Variants in EFCAB8 observed in about 807,000 individuals in gnomAD.
The protein encoded by EFCAB8 is EF-hand calcium binding domain 8.
In EFCAB8, 100 loss-of-function variants were observed where a neutral mutation model predicts 116.3. The observed-to-expected ratio is 0.86, with a 90% CI of 0.73 to 1.02. The LOEUF is 1.02. Ranked by LOEUF, EFCAB8 falls within the 50% of genes least tolerant of loss-of-function variation. The pLI, the probability that EFCAB8 is intolerant of heterozygous loss-of-function variation, is 0.00. For synonymous variants in EFCAB8, 558 were observed against 567.9 expected (o/e 0.98, Z 0.25); for missense variants, 1,320 against 1,416.9 (o/e 0.93, Z 1.10).
At chr20:32,887,064 C>T (rs1985668695) in intron 6 of EFCAB8, among the ~76,000 whole-genome samples, 1 of 152,102 alleles carries the variant, frequency 6.6e-6, no homozygotes, top group Non-Finnish European at 1.5e-5. Context: ...TCTTCACCGC[C>T]AGAACCACCT....
intron 6 of EFCAB8, among the ~76,000 whole-genome samples, 183 bp from the exon 7 acceptor site, chr20:32,889,118 A>G (rs779006554): frequency 6.6e-5 from 10 of 152,076 alleles, no homozygotes; most frequent in Non-Finnish European, 1.2e-4. Flanking sequence ...GAATGTGGAA[A>G]CTGAGACCCA....
chr20:32,897,808 GGTGACAGT>G (rs1433178081), intron 10 of EFCAB8, among the ~76,000 whole-genome samples: 4 of 152,102 alleles, frequency 2.6e-5, no homozygotes, highest in African/African-American at 9.7e-5. Flanking sequence ...ACAGATGCTT[GGTGACAGT>G]GTGTGTAAAA....
rs754800072 is a variant in EFCAB8 at position 32,920,055 on chromosome 20, T to G, written c.2275-23T>G. The G allele has an allele frequency of 9.7e-6, 15 of 1,551,692 alleles. No individual in the cohort carries two copies. In the South Asian group the frequency reaches 1.8e-4, roughly 18 times the overall value. On this transcript the variant is annotated intron_variant, in intron 19 of 26. Coordinates refer to ENST00000400522, the MANE Select transcript of EFCAB8 (RefSeq NM_001143967.2). ...GAAGGGAAACACCCTCATGGTGACT[T>G]GGGTGCCCATCTTTCTTTCCAGAAA...
In EFCAB8 at chr20:32,955,209, A is replaced by G. The variant is rs138083858; in HGVS notation, c.2960-3212A>G. The stretch of plus-strand genomic sequence containing the variant: ...GCTGGCCATTAGAGACAAGAACACA[A>G]GTGAAAAACAGAATGGCTCCTCCAA... On this transcript the variant is annotated intron_variant, in intron 23 of 26. Transcript: ENST00000400522. 1.3e-3 allele frequency among the ~76,000 whole-genome samples: 202 copies of G among 152,292 alleles called. 1 individual carries two copies. Among genetic ancestry groups the G allele is most frequent in the African/African-American group, 4.5e-3 (186 of 41,558 alleles).
intron 5 of EFCAB8, among the ~76,000 whole-genome samples, chr20:32,884,603 T>C (rs981016214): frequency 2.0e-5 from 3 of 152,212 alleles, no homozygotes; most frequent in Non-Finnish European, 4.4e-5. Context: ...GGGTTATCCT[T>C]AAGCCCAGGG....
intron 17 of EFCAB8, among the ~76,000 whole-genome samples, chr20:32,914,754 A>G (rs1406700911): frequency 1.3e-5 from 2 of 152,180 alleles, no homozygotes; most frequent in African/African-American, 4.8e-5. Flanking sequence ...ACCTCCTACC[A>G]GGTCCCTCCC....
At chr20:32,897,104 C>T (rs905130034) in intron 10 of EFCAB8, among the ~76,000 whole-genome samples, 6 of 152,248 alleles carry the variant, frequency 3.9e-5, no homozygotes, top group Admixed American at 1.3e-4. Context: ...CTTCAGGCCG[C>T]GGGGCTCTCC....
At chr20:32,902,334 C>A (rs1482616635) in intron 11 of EFCAB8, among the ~76,000 whole-genome samples, 1 of 152,082 alleles carries the variant, frequency 6.6e-6, no homozygotes, top group Admixed American at 6.5e-5. Flanking sequence ...GATGGAGGGA[C>A]TGGAGATGTA....
intron 2 of EFCAB8, 37 bp downstream of exon 2, chr20:32,863,871 G>A: frequency 6.5e-7 from 1 of 1,549,038 alleles, no homozygotes; most frequent in Non-Finnish European, 8.7e-7. Context: ...TAAAGGGTGG[G>A]GCATTCCAGA....
intron 24 of EFCAB8, 34 bp from the exon 25 acceptor site, chr20:32,959,744 G>T: frequency 7.0e-7 from 1 of 1,431,382 alleles, no homozygotes; most frequent in South Asian, 1.5e-5. Flanking sequence ...TTTGCAGTGG[G>T]GGGACATCTT....
chr20:32,940,665 T>C (rs1053205937), intron 22 of EFCAB8, among the ~76,000 whole-genome samples: 2 of 149,966 alleles, frequency 1.3e-5, no homozygotes, highest in Non-Finnish European at 3.0e-5. Flanking sequence ...TTGCAAATCA[T>C]ATATCTGATA....
chr20:32,861,018 T>C (rs951988182), intron 1 of EFCAB8, among the ~76,000 whole-genome samples: 2 of 152,054 alleles, frequency 1.3e-5, no homozygotes, highest in African/African-American at 4.8e-5. Context: ...ATTACAGGTA[T>C]GAGCCACTGT....
intron 18 of EFCAB8, 99 bp downstream of exon 18, chr20:32,917,604 G>A: frequency 7.4e-7 from 1 of 1,359,314 alleles, no homozygotes; most frequent in Admixed American, 2.1e-5. Flanking sequence ...GGAAGCAGGA[G>A]GGATGATGGC....
intron 9 of EFCAB8, among the ~76,000 whole-genome samples, chr20:32,893,869 C>T (rs1298536139): frequency 6.6e-6 from 1 of 152,138 alleles, no homozygotes; most frequent in Non-Finnish European, 1.5e-5. Context: ...GAGGGAGGAG[C>T]CGCTGCTGCA....
At chr20:32,957,733 G>A (rs1339976776) in intron 23 of EFCAB8, among the ~76,000 whole-genome samples, 1 of 151,768 alleles carries the variant, frequency 6.6e-6, no homozygotes, top group Non-Finnish European at 1.5e-5. Flanking sequence ...CTCTCTCTAA[G>A]CCAAGTCTGA....
chr20:32,859,376 C>T (rs987682235), intron 1 of EFCAB8, among the ~76,000 whole-genome samples: 6 of 152,180 alleles, frequency 3.9e-5, no homozygotes, highest in Non-Finnish European at 7.3e-5. Flanking sequence ...CCGAGTTTTA[C>T]ATCTCAGCCT....
At chr20:32,955,094 C>T (rs1988922045) in intron 23 of EFCAB8, among the ~76,000 whole-genome samples, 1 of 152,270 alleles carries the variant, frequency 6.6e-6, no homozygotes, top group Admixed American at 6.5e-5. Flanking sequence ...AAAAATGCAG[C>T]ATTTTTCTGG....
At chr20:32,903,594 A>G (rs1309669642) in intron 11 of EFCAB8, 1 of 152,272 alleles carries the variant, frequency 6.6e-6, no homozygotes, top group Admixed American at 6.5e-5. Context: ...CCATTCTTCC[A>G]GAACATTTTT....
intron 6 of EFCAB8, among the ~76,000 whole-genome samples, chr20:32,888,133 G>A (rs551590947): frequency 1.3e-5 from 2 of 151,128 alleles, no homozygotes; most frequent in Admixed American, 1.3e-4. Context: ...GTGCAATCAC[G>A]GCTCACTGCA....
Sources: allele counts gnomAD v4.1 joint callset (sites outside exome capture counted in the v4.1 genomes callset), GRCh38; gene constraint gnomAD v4.1.1; transcripts MANE v1.5; gene names NCBI Gene and HGNC (gene_info 2026-07-23, HGNC 2026-07-21).